ZC3H12C: variants seen among roughly 807,000 people sequenced by gnomAD.
ZC3H12C encodes probable ribonuclease ZC3H12C.
In ZC3H12C, 20 loss-of-function variants were observed where a neutral mutation model predicts 76.3. The observed-to-expected ratio is 0.26, with a 90% confidence interval of 0.18 to 0.38. The LOEUF is 0.38. Ranked by LOEUF, ZC3H12C falls within the 10% of genes least tolerant of loss-of-function variation. The pLI is 1.00. For missense variants in ZC3H12C, 874 were observed against 1,086.5 expected, an observed-to-expected ratio of 0.80 and a Z score of 2.75; for synonymous variants, 352 against 399.6, an observed-to-expected ratio of 0.88 and a Z score of 1.42.
chr11:110,094,699 A>C lies in ZC3H12C; in HGVS notation c.21+1267A>C, dbSNP rs899091169. On this transcript the variant is annotated intron_variant, in intron 1 of 5. Transcript: ENST00000278590. ...AGCTTCATCAAACATTGGTAAAATT[A>C]ATCTTAGTGTGATAAGCCCAGGAAG... 2.0e-5 allele frequency among the ~76,000 whole-genome samples: 3 copies of C among 152,218 alleles called. No homozygotes were observed. In the South Asian group the frequency reaches 6.2e-4, roughly 31 times the overall value.
At chr11:110,115,254 C>T (rs538329366) in intron 1 of ZC3H12C, among the ~76,000 whole-genome samples, 34 of 151,790 alleles carry the variant, frequency 2.2e-4, no homozygotes, top group Non-Finnish European at 4.3e-4. Flanking sequence ...TACAGGCATG[C>T]ACCACCACAC....
chr11:110,117,989 T>C lies in ZC3H12C; in HGVS notation c.22-18674T>C, dbSNP rs200579677. 3.0e-3 allele frequency among the ~76,000 whole-genome samples: 124 copies of C among 40,788 alleles called. 10 individuals are homozygous for C. Among genetic ancestry groups the C allele is most frequent in the African/African-American group, 5.8e-3 (90 of 15,508 alleles). 26.8% of individuals were successfully genotyped at this position (40,788 alleles called of 152,430 possible). Reference sequence around the variant, plus strand: ...TACACACACATATATATTATATATATACACACATATATATTATATATATAC... The same window carrying C: ...TACACACACATATATATTATATATACACACACATATATATTATATATATAC... On this transcript the variant is annotated intron_variant, in intron 1 of 5. Coordinates refer to ENST00000278590, the MANE Select transcript of ZC3H12C (RefSeq NM_033390.2).
Position 110,118,101 on chromosome 11 carries a change from C to T in ZC3H12C, c.22-18562C>T, listed in dbSNP as rs1277666930. The stretch of plus-strand genomic sequence containing the variant: ...TATATTATATATATACACATACACA[C>T]ACATATACACACATACTTTATACAC... On this transcript the variant is annotated intron_variant, in intron 1 of 5. Coordinates refer to ENST00000278590, the MANE Select transcript of ZC3H12C (RefSeq NM_033390.2). Among the ~76,000 whole-genome samples the T allele has an allele frequency of 3.5e-5, 5 of 142,464 alleles. 1 individual carries two copies. Among genetic ancestry groups the T allele is most frequent in the Admixed American group, 1.4e-4 (2 of 14,000 alleles). 93.5% of individuals were successfully genotyped at this position (142,464 alleles called of 152,430 possible).
chr11:110,160,433 A>G (rs1222898340), intron 4 of ZC3H12C, among the ~76,000 whole-genome samples: 2 of 152,114 alleles, frequency 1.3e-5, no homozygotes, highest in Non-Finnish European at 2.9e-5. Context: ...AATACCACTT[A>G]GCTTAAAACA....
rs1194081880 is a variant in ZC3H12C at position 110,152,976 on chromosome 11, T to G, written c.831T>G (p.Phe277Leu). ...CRGIKLAVDWFLERGHKDITV... is the reference protein window; with the variant it reads ...CRGIKLAVDWLLERGHKDITV... ...GAATAAAATTGGCAGTGGATTGGTTTTTGGAAAGAGGCCACAAAGACATTA... is the reference window on the plus strand; with the variant it reads ...GAATAAAATTGGCAGTGGATTGGTTGTTGGAAAGAGGCCACAAAGACATTA... Residue 277 changes from phenylalanine to leucine, a missense_variant, in exon 3 of 6, where the codon TTT (phenylalanine) becomes TTG (leucine). Around this residue, in one of 3 missense-constraint regions of ZC3H12C, gnomAD observed 269 missense variants for 424.9 expected, o/e 0.63. Coordinates refer to ENST00000278590, the MANE Select transcript of ZC3H12C (RefSeq NM_033390.2). 1.2e-6 allele frequency: 2 copies of G among 1,612,428 alleles called. No individual in the cohort carries two copies. Among genetic ancestry groups the G allele is most frequent in the Admixed American group, 3.3e-5 (2 of 59,854 alleles).
intron 1 of ZC3H12C, among the ~76,000 whole-genome samples, chr11:110,104,454 G>A (rs1167923039): frequency 2.6e-5 from 4 of 152,150 alleles, no homozygotes; most frequent in Non-Finnish European, 5.9e-5. Context: ...TTCCCTCCCT[G>A]TAATTTGCAG....
chr11:110,128,652 T>C (rs1020164078), intron 1 of ZC3H12C, among the ~76,000 whole-genome samples: 3 of 152,190 alleles, frequency 2.0e-5, no homozygotes, highest in Admixed American at 2.0e-4. Context: ...AATTCATAAA[T>C]ACTGACCTCA....
At chr11:110,154,843 A>AAAAAAC (rs1862345708) in intron 3 of ZC3H12C, among the ~76,000 whole-genome samples, 1 of 150,938 alleles carries the variant, frequency 6.6e-6, no homozygotes, top group Non-Finnish European at 1.5e-5. Context: ...TTAAAAAAAA[A>AAAAAAC]AAAAAAAAAC....
In ZC3H12C at chr11:110,165,045, C is replaced by T. The variant is rs377669177; in HGVS notation, c.1960C>T (p.Pro654Ser). ...CCGGTCCTATGTCAGCTCCCCCGACCCACAGCTAGAGGAGAATTTGAAGTG... is the reference window on the plus strand; with the variant it reads ...CCGGTCCTATGTCAGCTCCCCCGACTCACAGCTAGAGGAGAATTTGAAGTG... ...NDRSYVSSPD[P>S]QLEENLKCQH... Residue 654 changes from proline to serine, a missense_variant, in exon 6 of 6, where the codon CCA (proline) becomes TCA (serine). This residue lies in a region of ZC3H12C where 395 missense variants were observed against 434.4 expected (regional missense o/e 0.91). Transcript: ENST00000278590. 287 of 1,613,814 alleles carry T rather than the reference C, an allele frequency of 1.8e-4. No individual in the cohort carries two copies. The highest frequency in any genetic ancestry group is 2.3e-4 in the Non-Finnish European group (268 of 1,179,916).
At chr11:110,147,465 G>C (rs529460675) in intron 2 of ZC3H12C, among the ~76,000 whole-genome samples, 13 of 152,156 alleles carry the variant, frequency 8.5e-5, no homozygotes, top group Admixed American at 2.6e-4. Context: ...TCGGAGGGAA[G>C]GGGAGGGAGA....
intron 1 of ZC3H12C, chr11:110,124,350 A>G (rs1417243370): frequency 6.7e-6 from 1 of 149,698 alleles, no homozygotes; most frequent in East Asian, 2.0e-4. Flanking sequence ...GCAGGGGTCT[A>G]TTTTTTTTTT....
chr11:110,120,155 G>C (rs1342941991), intron 1 of ZC3H12C, among the ~76,000 whole-genome samples: 1 of 152,188 alleles, frequency 6.6e-6, no homozygotes, highest in Non-Finnish European at 1.5e-5. Flanking sequence ...TGTAGCCTCA[G>C]TGTTTGGCAC....
intron 1 of ZC3H12C, among the ~76,000 whole-genome samples, chr11:110,135,490 C>CAAAAAAAAAAAAAAAAAAAAAAAAAAAAA (rs60107794): frequency 1.0e-5 from 1 of 95,320 alleles, no homozygotes; most frequent in Non-Finnish European, 1.9e-5. Context: ...ACTCCCGTCT[C>CAAAAAAAAAAAAAAAAAAAAAAAAAAAAA]AAAAAAAAAA....
At chr11:110,154,760 T>C (rs1862342067) in intron 3 of ZC3H12C, among the ~76,000 whole-genome samples, 1 of 81,400 alleles carries the variant, frequency 1.2e-5, no homozygotes, top group Non-Finnish European at 2.6e-5. Flanking sequence ...AAATGATAAT[T>C]GGCAAGTTGC....
At chr11:110,158,326 A>G (rs1053473794) in intron 3 of ZC3H12C, among the ~76,000 whole-genome samples, 3 of 152,180 alleles carry the variant, frequency 2.0e-5, no homozygotes, top group African/African-American at 4.8e-5. Flanking sequence ...CCTGGCCAAC[A>G]TGGTGAAACC....
At chr11:110,126,623 T>G (rs535699592) in intron 1 of ZC3H12C, among the ~76,000 whole-genome samples, 45 of 152,222 alleles carry the variant, frequency 3.0e-4, no homozygotes, top group Non-Finnish European at 6.3e-4. Context: ...AGCCCCCACT[T>G]CCAGTAATGA....
intron 3 of ZC3H12C, among the ~76,000 whole-genome samples, chr11:110,154,266 G>C (rs1215426720): frequency 2.6e-5 from 4 of 151,556 alleles, no homozygotes; most frequent in Non-Finnish European, 4.4e-5. Flanking sequence ...AGATACCCGA[G>C]AGCTGAAGTG....
chr11:110,149,338 C>A (rs1266313883), intron 2 of ZC3H12C, among the ~76,000 whole-genome samples: 1 of 152,176 alleles, frequency 6.6e-6, no homozygotes, highest in Non-Finnish European at 1.5e-5. Flanking sequence ...CAAGTGCCAT[C>A]TAAGGCTGGG....
Position 110,164,212 on chromosome 11 carries a change from A to G in ZC3H12C, c.1256-129A>G. 1 of 810,518 alleles carries G rather than the reference A, an allele frequency of 1.2e-6. No individual in the cohort carries two copies. The highest frequency in any genetic ancestry group is 1.9e-6 in the Non-Finnish European group (1 of 532,926). 50.2% of individuals were successfully genotyped at this position (810,518 alleles called of 1,614,324 possible). A position where few individuals can be genotyped will look rare whatever the true frequency, so the allele number is the denominator to read the frequency against. ...AAGTGACGTTTCTCAAGAGTAAAGA[A>G]CAGAGTGACACTTAGCACAGCTCCC... On this transcript the variant is annotated intron_variant, in intron 5 of 5. Transcript: ENST00000278590. This position sits in a 1 kb window ranked among gnomAD's most constrained non-coding sequence, Gnocchi z 5.7.
Sources: gnomAD v4.1 joint callset for allele counts (sites outside exome capture counted in the v4.1 genomes callset) on GRCh38, gnomAD v4.1.1 for gene constraint, gnomAD v4.1.1 regional missense constraint, Gnocchi (gnomAD v3.1) non-coding constraint, MANE v1.5 for transcripts, NCBI Gene and HGNC (gene_info 2026-07-23, HGNC 2026-07-21) for gene names.